SPMAP2L: variants seen among roughly 807,000 people sequenced by gnomAD.
SPMAP2L encodes the protein sperm microtubule associated protein 2-like.
the SPMAP2L span, among the ~76,000 whole-genome samples, chr4:56,598,625 A>C: frequency 1.3e-5 from 2 of 151,992 alleles, no homozygotes; most frequent in Middle Eastern, 6.8e-3. Flanking sequence ...TAGCAAGTGC[A>C]AAGGTCCTGA....
chr4:56,557,804 T>C, the SPMAP2L span: 1 of 152,196 alleles, frequency 6.6e-6, no homozygotes, highest in African/African-American at 2.4e-5. Context: ...ATATGGACCA[T>C]AGAAGATTAC....
the SPMAP2L span, among the ~76,000 whole-genome samples, chr4:56,562,269 C>G: frequency 1.3e-4 from 19 of 151,904 alleles, no homozygotes; most frequent in African/African-American, 4.6e-4. Flanking sequence ...TCCCTACTCT[C>G]TCTTCCTAAA....
At chr4:56,573,069 C>T in the SPMAP2L span, among the ~76,000 whole-genome samples, 1 of 150,318 alleles carries the variant, frequency 6.7e-6, no homozygotes, top group African/African-American at 2.5e-5. Flanking sequence ...CGCTGTGAGA[C>T]TTGGATGTGT....
the SPMAP2L span, among the ~76,000 whole-genome samples, chr4:56,539,042 C>T: frequency 9.2e-5 from 14 of 152,176 alleles, no homozygotes; most frequent in South Asian, 1.0e-3. Flanking sequence ...ATTTATTGAG[C>T]GACTACTAAG....
chr4:56,605,877 A>G, the SPMAP2L span, among the ~76,000 whole-genome samples: 1 of 152,216 alleles, frequency 6.6e-6, no homozygotes, highest in Non-Finnish European at 1.5e-5. Context: ...TAAAAGATTT[A>G]GAACCTTGCA....
chr4:56,592,985 C>T, the SPMAP2L span: 1 of 1,603,378 alleles, frequency 6.2e-7, no homozygotes, highest in East Asian at 2.2e-5. Context: ...AATGGAAGAC[C>T]CTGTTTGTGA....
the SPMAP2L span, among the ~76,000 whole-genome samples, chr4:56,570,104 C>A: frequency 6.6e-6 from 1 of 152,060 alleles, no homozygotes; most frequent in African/African-American, 2.4e-5. Context: ...GAATGCTTTC[C>A]CCATTTTTGA....
the SPMAP2L span, among the ~76,000 whole-genome samples, chr4:56,534,309 T>C: frequency 6.6e-6 from 1 of 152,186 alleles, no homozygotes; most frequent in Non-Finnish European, 1.5e-5. Context: ...CATTAACCTC[T>C]TATTTTCTTA....
chr4:56,559,351 T>C, the SPMAP2L span: 1 of 1,204,368 alleles, frequency 8.3e-7, no homozygotes, highest in Non-Finnish European at 1.0e-6. Flanking sequence ...TCACTAGCAA[T>C]CAATTTTTTT....
the SPMAP2L span, among the ~76,000 whole-genome samples, chr4:56,541,313 AAAT>A: frequency 3.3e-5 from 5 of 152,208 alleles, no homozygotes; most frequent in African/African-American, 1.2e-4. Context: ...TTAAATTAAA[AAAT>A]AAAAGTAACA....
At chr4:56,621,134 T>C in the SPMAP2L span, among the ~76,000 whole-genome samples, 6 of 152,178 alleles carry the variant, frequency 3.9e-5, no homozygotes, top group Non-Finnish European at 7.3e-5. Context: ...GAGAAAATGG[T>C]ATGAATAAGG....
chr4:56,600,809 C>A, the SPMAP2L span: 1 of 936,120 alleles, frequency 1.1e-6, no homozygotes, highest in Non-Finnish European at 1.6e-6. Context: ...GCAGAGAGAC[C>A]AGTTACGAGT....
At chr4:56,578,554 G>A in the SPMAP2L span, among the ~76,000 whole-genome samples, 2 of 151,776 alleles carry the variant, frequency 1.3e-5, no homozygotes, top group Admixed American at 6.6e-5. Flanking sequence ...AAAAAGACAG[G>A]ATAAAAAATG....
the SPMAP2L span, among the ~76,000 whole-genome samples, chr4:56,543,188 A>G: frequency 1.3e-5 from 2 of 150,952 alleles, no homozygotes; most frequent in Admixed American, 6.6e-5. Flanking sequence ...GGTTCACGCC[A>G]TTCTCCTGCC....
At chr4:56,547,162 A>G in the SPMAP2L span, among the ~76,000 whole-genome samples, 2 of 152,162 alleles carry the variant, frequency 1.3e-5, no homozygotes, top group African/African-American at 4.8e-5. Context: ...ACTACCATTC[A>G]TCTACCATAT....
At chr4:56,572,287 A>T in the SPMAP2L span, among the ~76,000 whole-genome samples, 1 of 152,356 alleles carries the variant, frequency 6.6e-6, no homozygotes, top group Non-Finnish European at 1.5e-5. Flanking sequence ...GCAGTGTGCT[A>T]TGATGTTATG....
chr4:56,537,056 G>T, the SPMAP2L span, among the ~76,000 whole-genome samples: 1 of 152,044 alleles, frequency 6.6e-6, no homozygotes, highest in African/African-American at 2.4e-5. Context: ...GAGCCACCAC[G>T]CCCGGCCAAT....
the SPMAP2L span, among the ~76,000 whole-genome samples, chr4:56,620,535 G>A: frequency 6.6e-5 from 10 of 152,086 alleles, no homozygotes; most frequent in Admixed American, 3.3e-4. Context: ...ACAGGCATGC[G>A]CCATCATGTC....
At chr4:56,575,860 A>G in the SPMAP2L span, among the ~76,000 whole-genome samples, 1 of 152,238 alleles carries the variant, frequency 6.6e-6, no homozygotes, top group Non-Finnish European at 1.5e-5. Flanking sequence ...ACTAAAATTT[A>G]TACTAAACCT....
Sources: gnomAD v4.1 joint callset for allele counts (sites outside exome capture counted in the v4.1 genomes callset) on GRCh38, gnomAD v4.1.1 for gene constraint, MANE v1.5 for transcripts, NCBI Gene and HGNC (gene_info 2026-07-23, HGNC 2026-07-21) for gene names.